Variants in FHIT observed in about 807,000 individuals in gnomAD.
FHIT encodes fragile histidine triad diadenosine triphosphatase, also known as bis(5'-adenosyl)-triphosphatase.
FHIT carries 19 observed loss-of-function variants against 17.9 expected under a neutral mutation model. The observed-to-expected ratio is 1.06, with a 90% CI of 0.74 to 1.56. The LOEUF (loss-of-function observed/expected upper bound fraction) is 1.56, where lower values mean the gene tolerates loss of function less well. Ranked by LOEUF, FHIT falls within the 40% of genes most tolerant of loss-of-function variation. FHIT has a pLI of 0.00. For missense variants in FHIT, 248 were observed against 189.2 expected (o/e 1.31, Z -1.82); for synonymous variants, 81 against 69.7 (o/e 1.16, Z -0.81).
intron 7 of FHIT, among the ~76,000 whole-genome samples, chr3:59,997,607 G>C (rs1012604795): frequency 2.0e-5 from 3 of 152,158 alleles, no homozygotes; most frequent in South Asian, 4.1e-4. Flanking sequence ...CACATTGTCA[G>C]TATGTGAACC....
At chr3:59,768,617 C>T (rs1701919194) in intron 8 of FHIT, among the ~76,000 whole-genome samples, 1 of 148,682 alleles carries the variant, frequency 6.7e-6, no homozygotes, top group South Asian at 2.1e-4. Flanking sequence ...TTTGACTTCC[C>T]AGACATCAAT....
At chr3:61,025,706 T>G (rs547925357) in intron 3 of FHIT, among the ~76,000 whole-genome samples, 2 of 152,110 alleles carry the variant, frequency 1.3e-5, no homozygotes, top group South Asian at 4.1e-4. Flanking sequence ...GAAATGGAAG[T>G]TAAGCTCAAA....
intron 8 of FHIT, among the ~76,000 whole-genome samples, chr3:59,789,566 T>C (rs576531544): frequency 3.9e-5 from 6 of 152,218 alleles, no homozygotes; most frequent in Non-Finnish European, 7.3e-5. Context: ...AGAATTGAAA[T>C]GGTATCTTTT....
At chr3:60,299,615 T>C (rs953870537) in intron 5 of FHIT, among the ~76,000 whole-genome samples, 1 of 152,084 alleles carries the variant, frequency 6.6e-6, no homozygotes, top group Admixed American at 6.6e-5. Context: ...ATGCCTCTTC[T>C]GGTATCACCC....
intron 4 of FHIT, among the ~76,000 whole-genome samples, chr3:60,571,362 A>AAAAAG: frequency 7.3e-6 from 1 of 136,624 alleles, no homozygotes; most frequent in East Asian, 2.4e-4. Context: ...AAAAAAAAAA[A>AAAAAG]AGAACAATGA....
chr3:60,333,859 G>A (rs1266081129), intron 5 of FHIT, among the ~76,000 whole-genome samples: 1 of 152,212 alleles, frequency 6.6e-6, no homozygotes, highest in African/African-American at 2.4e-5. Flanking sequence ...TTTGGACAAT[G>A]AGATGTCAGA....
At chr3:60,028,423 G>A (rs144547863) in intron 5 of FHIT, among the ~76,000 whole-genome samples, 1 of 152,202 alleles carries the variant, frequency 6.6e-6, no homozygotes, top group Non-Finnish European at 1.5e-5. Flanking sequence ...AGATGTGCAT[G>A]ATGATCAGAG....
In FHIT at chr3:59,822,386, G is replaced by C. The variant is rs537082870; in HGVS notation, c.349-70065C>G. Among the ~76,000 whole-genome samples the C allele has an allele frequency of 8.1e-4, 124 of 152,228 alleles. 1 individual carries two copies. Among genetic ancestry groups the C allele is most frequent in the African/African-American group, 2.8e-3 (117 of 41,560 alleles). ...AGGAATTTCCACACTGTTTTCCATA[G>C]TGGTTATACTAGTTTCCATTCCCAT... is the stretch of plus-strand genomic sequence containing the variant. On this transcript the variant is annotated intron_variant, in intron 8 of 9. Transcript: ENST00000492590.
chr3:60,502,347 G>A (rs1194435606), intron 5 of FHIT, among the ~76,000 whole-genome samples: 4 of 152,218 alleles, frequency 2.6e-5, no homozygotes, highest in Non-Finnish European at 5.9e-5. Context: ...GAACCAGTAA[G>A]AAGCCCCTGT....
chr3:60,905,483 C>T (rs1053299131), intron 3 of FHIT, among the ~76,000 whole-genome samples: 7 of 152,094 alleles, frequency 4.6e-5, no homozygotes, highest in African/African-American at 1.7e-4. Context: ...ACAGCATTCA[C>T]CCTGAACATA....
intron 8 of FHIT, among the ~76,000 whole-genome samples, chr3:59,855,564 A>G (rs921146676): frequency 7.2e-5 from 11 of 152,214 alleles, no homozygotes; most frequent in African/African-American, 2.7e-4. Flanking sequence ...ATGAAATGCT[A>G]CATATTAAAA....
At chr3:61,003,581 G>A (rs1236959386) in intron 3 of FHIT, among the ~76,000 whole-genome samples, 2 of 152,270 alleles carry the variant, frequency 1.3e-5, no homozygotes, top group African/African-American at 4.8e-5. Context: ...GAGTTCTCCA[G>A]TGCTTATCAT....
intron 5 of FHIT, among the ~76,000 whole-genome samples, chr3:60,519,203 G>C (rs1239381577): frequency 6.6e-6 from 1 of 152,174 alleles, no homozygotes; most frequent in Non-Finnish European, 1.5e-5. Flanking sequence ...ATTTTGTACA[G>C]TGGGCAGATA....
At chr3:59,879,975 A>G (rs1274594774) in intron 8 of FHIT, among the ~76,000 whole-genome samples, 1 of 5,150 alleles carries the variant, frequency 1.9e-4, no homozygotes, top group African/African-American at 2.7e-4. Context: ...AAAGGAACCA[A>G]GAGAGAAGAG....
rs140732258 is a variant in FHIT at position 59,811,026 on chromosome 3, G to T, written c.349-58705C>A. Reference sequence around the variant, plus strand: ...TGTGATTTATGAACAGGCCAAAGTGGAACTGTTGTCACAAGAGAAAATCAG... The same window carrying T: ...TGTGATTTATGAACAGGCCAAAGTGTAACTGTTGTCACAAGAGAAAATCAG... On this transcript the variant is annotated intron_variant, in intron 8 of 9. Transcript: ENST00000492590. 3.8e-3 allele frequency among the ~76,000 whole-genome samples: 576 copies of T among 152,330 alleles called. 3 individuals carry two copies. Among genetic ancestry groups the T allele is most frequent in the African/African-American group, 0.013 (545 of 41,570 alleles).
chr3:60,846,644 C>T (rs1553746582), intron 3 of FHIT, among the ~76,000 whole-genome samples: 1 of 152,148 alleles, frequency 6.6e-6, no homozygotes, highest in Non-Finnish European at 1.5e-5. Flanking sequence ...ATTCAAACAA[C>T]CTCTTCTTTA....
At chr3:60,803,005 C>G (rs1192198751) in intron 4 of FHIT, among the ~76,000 whole-genome samples, 6 of 152,080 alleles carry the variant, frequency 3.9e-5, no homozygotes, top group Middle Eastern at 3.4e-3. Context: ...TTTGCCAAAC[C>G]AAACCGAAAT....
intron 8 of FHIT, among the ~76,000 whole-genome samples, chr3:59,870,066 T>C (rs1702850335): frequency 6.6e-6 from 1 of 152,186 alleles, no homozygotes; most frequent in African/African-American, 2.4e-5. Flanking sequence ...GAAACTGAGA[T>C]AGAGTTCAAA....
chr3:61,034,441 A>G (rs1253071371), intron 3 of FHIT, among the ~76,000 whole-genome samples: 2 of 152,246 alleles, frequency 1.3e-5, no homozygotes, highest in East Asian at 3.9e-4. Context: ...CAAACAAACA[A>G]AAACAACAAA....
Sources: allele counts gnomAD v4.1 joint callset (sites outside exome capture counted in the v4.1 genomes callset), GRCh38; gene constraint gnomAD v4.1.1; transcripts MANE v1.5; gene names NCBI Gene and HGNC (gene_info 2026-07-23, HGNC 2026-07-21).